MMP17: variants seen among roughly 807,000 people sequenced by gnomAD.
The protein encoded by MMP17 is matrix metallopeptidase 17, also known as matrix metalloproteinase-17.
In MMP17, 54 loss-of-function variants were observed where a neutral mutation model predicts 49.1. The observed-to-expected ratio is 1.10, with a 90% CI of 0.88 to 1.38. The LOEUF (loss-of-function observed/expected upper bound fraction) is 1.38, where lower values mean the gene tolerates loss of function less well. Among genes scored for constraint, MMP17 ranks in the 40% most tolerant of loss-of-function variants. The probability of loss-of-function intolerance (pLI) is 0.00; values close to 1 mark genes in which losing one functional copy is unlikely to be tolerated. For missense variants in MMP17, 837 were observed against 853.7 expected (o/e 0.98, Z 0.24); for synonymous variants, 397 against 383.1 (o/e 1.04, Z -0.42).
At chr12:131,832,643 G>A (rs940286178) in intron 1 of MMP17, among the ~76,000 whole-genome samples, 6 of 150,394 alleles carry the variant, frequency 4.0e-5, no homozygotes, top group Admixed American at 3.3e-4. Context: ...CTGGGCACCC[G>A]CCTCTGGGAT....
intron 6 of MMP17, chr12:131,844,545 T>A: frequency 4.3e-6 from 1 of 232,136 alleles, no homozygotes; most frequent in Non-Finnish European, 8.5e-6. Context: ...GCAACTGGAT[T>A]CCCAGTGAAG....
intron 1 of MMP17, among the ~76,000 whole-genome samples, chr12:131,829,070 C>T (rs1160243052): frequency 3.9e-5 from 6 of 152,180 alleles, no homozygotes; most frequent in African/African-American, 7.2e-5. Context: ...CAGGAGCACG[C>T]ACCCACAAAG....
chr12:131,833,379 C>A (rs1325882044), intron 1 of MMP17, among the ~76,000 whole-genome samples: 1 of 152,254 alleles, frequency 6.6e-6, no homozygotes, highest in East Asian at 1.9e-4. Flanking sequence ...CCTCACGATC[C>A]CGTCTTCCCC....
At chr12:131,850,892 T>G in intron 9 of MMP17, 33 bp from the exon 10 acceptor site, 1 of 1,417,692 alleles carries the variant, frequency 7.1e-7, no homozygotes, top group Non-Finnish European at 9.3e-7. Context: ...GCTGCAGCCC[T>G]CCCCTGAGCT....
Position 131,840,696 on chromosome 12 carries a change from C to G in MMP17, c.546C>G (p.Ala182=). Residue 182 remains alanine (A), a synonymous_variant, in exon 4 of 10, where the codon GCC becomes GCG. Transcript: ENST00000360564. The part of the protein sequence containing the change: ...PLNFHEVAGS[A]ADIQIDFSKA... Reference sequence around the variant, plus strand: ...ACTTCCACGAGGTGGCGGGCAGCGCCGCCGACATCCAGATCGACTTCTCCA... The same window carrying G: ...ACTTCCACGAGGTGGCGGGCAGCGCGGCCGACATCCAGATCGACTTCTCCA... The G allele has an allele frequency of 1.2e-6, 2 of 1,605,966 alleles. No individual in the cohort carries two copies. Among genetic ancestry groups the G allele is most frequent in the Non-Finnish European group, 1.7e-6 (2 of 1,179,926 alleles).
At chr12:131,835,380 C>T (rs548506792) in intron 1 of MMP17, among the ~76,000 whole-genome samples, 1 of 152,362 alleles carries the variant, frequency 6.6e-6, no homozygotes, top group Non-Finnish European at 1.5e-5. Flanking sequence ...GCAACTAAAC[C>T]ACCTGCTTCC....
intron 1 of MMP17, among the ~76,000 whole-genome samples, chr12:131,836,658 A>G (rs928837293): frequency 1.5e-5 from 2 of 136,332 alleles, no homozygotes; most frequent in African/African-American, 2.9e-5. Context: ...ATTCACAAGC[A>G]TTTTCTAAAT....
Position 131,846,403 on chromosome 12 carries a change from GT to G in MMP17, c.1204+955del, listed in dbSNP as rs1239996879. 3.3e-5 allele frequency among the ~76,000 whole-genome samples: 5 copies of G among 152,094 alleles called. No homozygotes were observed. ...TTGTTTTTTGTTTTTCTGAGACAAAGTCTCACTCTGTTGCCCAGGCTGGAAT... is the reference window on the plus strand; with the variant it reads ...TTGTTTTTTGTTTTTCTGAGACAAAGCTCACTCTGTTGCCCAGGCTGGAAT... On this transcript the variant is annotated intron_variant, in intron 8 of 9. Coordinates refer to ENST00000360564, the MANE Select transcript of MMP17 (RefSeq NM_016155.7). This position sits in a 1 kb window ranked among gnomAD's most constrained non-coding sequence, Gnocchi z 4.6.
chr12:131,842,170 A>G (rs1030088667), intron 5 of MMP17, among the ~76,000 whole-genome samples: 2 of 152,176 alleles, frequency 1.3e-5, no homozygotes, highest in Non-Finnish European at 2.9e-5. Flanking sequence ...AGGTATGTAG[A>G]TTGCCTGGGA....
chr12:131,836,647 G>A (rs542241242), intron 1 of MMP17, among the ~76,000 whole-genome samples: 3 of 149,780 alleles, frequency 2.0e-5, no homozygotes, highest in South Asian at 4.3e-4. Context: ...AAATAATAGC[G>A]ATTCACAAGC....
At chr12:131,833,314 G>A (rs748451299) in intron 1 of MMP17, among the ~76,000 whole-genome samples, 42 of 152,224 alleles carry the variant, frequency 2.8e-4, no homozygotes, top group Admixed American at 2.3e-3. Flanking sequence ...TACTGTTCAG[G>A]ACATAATGAC....
chr12:131,839,167 C>T (rs910516480), intron 3 of MMP17, among the ~76,000 whole-genome samples: 3 of 152,132 alleles, frequency 2.0e-5, no homozygotes, highest in Admixed American at 6.5e-5. Context: ...TGGCAGCCCT[C>T]GATGGAATCA....
intron 1 of MMP17, among the ~76,000 whole-genome samples, chr12:131,836,775 C>G (rs1887105440): frequency 6.6e-6 from 1 of 152,186 alleles, no homozygotes; most frequent in South Asian, 2.1e-4. Flanking sequence ...CTGTGGTTCC[C>G]TGGGCTGGCG....
At chr12:131,841,925 G>A (rs563995780) in intron 5 of MMP17, 125 bp downstream of exon 5, 26 of 1,116,898 alleles carry the variant, frequency 2.3e-5, no homozygotes, top group South Asian at 1.6e-4. Context: ...GGATGGTGCC[G>A]TGCCAGCTGG....
In MMP17 at chr12:131,851,638, T is replaced by TC. The variant is rs1354734763; in HGVS notation, c.*367dup. The TC allele has an allele frequency of 4.4e-6, 1 of 226,232 alleles. No individual in the cohort carries two copies. The highest frequency in any genetic ancestry group is 8.3e-5 in the East Asian group (1 of 12,028). 14.0% of individuals were successfully genotyped at this position (226,232 alleles called of 1,614,324 possible). On this transcript the variant is annotated 3_prime_UTR_variant, in exon 10 of 10. Coordinates refer to ENST00000360564, the MANE Select transcript of MMP17 (RefSeq NM_016155.7). ...CCCCACCCACACTGCTGCCTGGTGCTCCCGCCGGCCCACAGGGCCTCCGTC... is the reference window on the plus strand; with the variant it reads ...CCCCACCCACACTGCTGCCTGGTGCTCCCCGCCGGCCCACAGGGCCTCCGTC...
chr12:131,832,769 G>A (rs1006302002), intron 1 of MMP17, among the ~76,000 whole-genome samples: 5 of 152,034 alleles, frequency 3.3e-5, no homozygotes, highest in Non-Finnish European at 7.4e-5. Flanking sequence ...CCTCATGTTG[G>A]CCCCAAGGGC....
At position 131,849,853 on chromosome 12, in the gene MMP17, G is replaced by T. The variant is rs377440987; in HGVS notation, c.1256G>T (p.Arg419Leu). 1.2e-6 allele frequency: 2 copies of T among 1,613,982 alleles called. No homozygotes were observed. Among genetic ancestry groups the T allele is most frequent in the Non-Finnish European group, 1.7e-6 (2 of 1,180,006 alleles). Residue 419 changes from arginine (R) to leucine (L), a missense_variant, in exon 9 of 10, where the codon CGC becomes CTC. Transcript: ENST00000360564. ...KDNNVEEGYP[R>L]PVSDFSLPPG... The stretch of plus-strand genomic sequence containing the variant: ...AATAACGTAGAGGAAGGATACCCGC[G>T]CCCCGTCTCCGACTTCAGCCTCCCG...
intron 8 of MMP17, 152 bp downstream of exon 8, chr12:131,845,601 T>G (rs1887667258): frequency 9.2e-7 from 1 of 1,087,848 alleles, no homozygotes; most frequent in Non-Finnish European, 1.3e-6. Context: ...ACTCAGCAGA[T>G]GCACTCTGAG....
chr12:131,850,125 A>G, intron 9 of MMP17, 66 bp downstream of exon 9: 1 of 1,504,804 alleles, frequency 6.6e-7, no homozygotes, highest in Non-Finnish European at 8.9e-7. Flanking sequence ...GGGCATCACT[A>G]CAGGGCAGCC....
Sources: gnomAD v4.1 joint callset for allele counts (sites outside exome capture counted in the v4.1 genomes callset) on GRCh38, gnomAD v4.1.1 for gene constraint, Gnocchi (gnomAD v3.1) non-coding constraint, MANE v1.5 for transcripts, NCBI Gene and HGNC (gene_info 2026-07-23, HGNC 2026-07-21) for gene names.